Variants in CNIH3 observed in about 807,000 individuals in gnomAD.
CNIH3 encodes cornichon family AMPA receptor auxiliary protein 3, also known as protein cornichon homolog 3.
In CNIH3, 14 loss-of-function variants were observed where a neutral mutation model predicts 24.1. That is an observed-to-expected ratio of 0.58 (90% confidence interval 0.38 to 0.91). The LOEUF (loss-of-function observed/expected upper bound fraction) is 0.91. Ranked by LOEUF, CNIH3 falls within the 40% of genes least tolerant of loss-of-function variation. The pLI, the probability that CNIH3 is intolerant of heterozygous loss-of-function variation, is 0.00. For synonymous variants in CNIH3, 68 were observed against 73.8 expected, an observed-to-expected ratio of 0.92 and a Z score of 0.40; for missense variants, 178 against 196.8, an observed-to-expected ratio of 0.90 and a Z score of 0.57.
chr1:224,589,118 G>A (rs16849875), downstream of CNIH3, among the ~76,000 whole-genome samples: 13,959 of 151,816 alleles, frequency 0.092, 901 homozygotes, highest in East Asian at 0.18. Context: ...CCTGCAATGC[G>A]CGAGTTGAAA....
At position 224,734,654 on chromosome 1, in the gene CNIH3, G is replaced by T; in HGVS notation, c.403G>T (p.Ala135Ser). 1 of 1,614,178 alleles carries T rather than the reference G, an allele frequency of 6.2e-7. No individual in the cohort carries two copies. Among genetic ancestry groups the T allele is most frequent in the African/African-American group, 1.3e-5 (1 of 75,054 alleles). ...ADTLSYCQKE[A>S]WCKLAFYLLS... ...CACTTTGAGTTACTGTCAGAAGGAG[G>T]CCTGGTGTAAGCTGGCCTTCTATCT... Residue 135 changes from alanine to serine, a missense_variant, in exon 5 of 6, where the codon GCC becomes TCC. Physicochemically the swap from Ala to Ser is moderately conservative, Grantham distance 99. Transcript: ENST00000272133.
intron 5 of CNIH3, 72 bp downstream of exon 5, chr1:224,734,778 G>A (rs749437081): frequency 1.5e-5 from 23 of 1,551,466 alleles, no homozygotes; most frequent in Non-Finnish European, 1.9e-5. Context: ...TGGCCTCTGG[G>A]AGGCGTCCTT....
At chr1:224,517,641 C>T (rs1678449176) in intron 1 of CNIH3, among the ~76,000 whole-genome samples, 1 of 151,910 alleles carries the variant, frequency 6.6e-6, no homozygotes, top group African/African-American at 2.4e-5. Flanking sequence ...CCACCCTTCC[C>T]CCTAAATCCA....
intron 1 of CNIH3, among the ~76,000 whole-genome samples, chr1:224,646,143 G>GACGTAAAACAGTA (rs35908674): frequency 2.6e-5 from 4 of 151,930 alleles, no homozygotes; most frequent in Non-Finnish European, 5.9e-5. Flanking sequence ...TAAGACAGCA[G>GACGTAAAACAGTA]AGGTTTTCAG....
chr1:224,556,044 T>C (rs1315626045), intron 3 of CNIH3, among the ~76,000 whole-genome samples: 1 of 152,258 alleles, frequency 6.6e-6, no homozygotes. Context: ...ACATTACAGC[T>C]GGCATGGTAT....
At chr1:224,717,672 A>G (rs1435129902) in intron 3 of CNIH3, 1 of 152,194 alleles carries the variant, frequency 6.6e-6, no homozygotes, top group Non-Finnish European at 1.5e-5. Context: ...GCCTCCTGCC[A>G]TATTTAATCC....
At chr1:224,557,221 A>G (rs562416201) in intron 3 of CNIH3, among the ~76,000 whole-genome samples, 5 of 151,956 alleles carry the variant, frequency 3.3e-5, no homozygotes, top group Admixed American at 2.6e-4. Flanking sequence ...TTTTTATTTT[A>G]GTTTTTTGTA....
intron 1 of CNIH3, among the ~76,000 whole-genome samples, chr1:224,503,393 T>A (rs948848710): frequency 7.2e-5 from 11 of 151,930 alleles, no homozygotes; most frequent in African/African-American, 2.7e-4. Flanking sequence ...TCTGTCACCC[T>A]CCCCCCTCTT....
intron 4 of CNIH3, among the ~76,000 whole-genome samples, chr1:224,572,199 G>A (rs1364845955): frequency 3.9e-5 from 6 of 152,066 alleles, no homozygotes; most frequent in Non-Finnish European, 5.9e-5. Flanking sequence ...TATTTAAAAC[G>A]GATGCCAAGG....
chr1:224,701,863 A>G (rs80117559), intron 3 of CNIH3, among the ~76,000 whole-genome samples: 80 of 152,274 alleles, frequency 5.3e-4, no homozygotes, highest in Non-Finnish European at 8.8e-4. Context: ...GGAGCATGCT[A>G]TTTCATTTTT....
At chr1:224,691,203 A>C (rs1380765237) in intron 3 of CNIH3, among the ~76,000 whole-genome samples, 2 of 152,202 alleles carry the variant, frequency 1.3e-5, no homozygotes, top group East Asian at 3.9e-4. Context: ...TCCATGTCAG[A>C]AACTGATGCC....
intron 1 of CNIH3, among the ~76,000 whole-genome samples, chr1:224,631,131 C>CT (rs1181080269): frequency 6.6e-6 from 1 of 152,082 alleles, no homozygotes; most frequent in African/African-American, 2.4e-5. Flanking sequence ...TCACTGCACT[C>CT]TATCCTGGGC....
At chr1:224,494,675 C>G (rs374377740) in intron 1 of CNIH3, among the ~76,000 whole-genome samples, 225 of 152,204 alleles carry the variant, frequency 1.5e-3, no homozygotes, top group African/African-American at 4.4e-3. Flanking sequence ...ATCTTAAAGA[C>G]CTCTTTGGGA....
intron 1 of CNIH3, among the ~76,000 whole-genome samples, chr1:224,482,972 T>C (rs534644596): frequency 8.8e-4 from 134 of 152,282 alleles, no homozygotes; most frequent in Middle Eastern, 3.4e-3. Flanking sequence ...TCATCCCTCC[T>C]TGGGCCCTGG....
At chr1:224,655,220 A>G (rs1215265151) in intron 1 of CNIH3, among the ~76,000 whole-genome samples, 3 of 152,134 alleles carry the variant, frequency 2.0e-5, no homozygotes, top group Non-Finnish European at 2.9e-5. Context: ...GTGGAGAGGT[A>G]GAGACACTGT....
intron 4 of CNIH3, among the ~76,000 whole-genome samples, chr1:224,577,916 A>G (rs940857630): frequency 6.6e-6 from 1 of 152,172 alleles, no homozygotes; most frequent in Admixed American, 6.6e-5. Context: ...ATGGCATTCA[A>G]AACAATCTGG....
chr1:224,630,666 G>T (rs1017514713), intron 1 of CNIH3, among the ~76,000 whole-genome samples: 2 of 152,074 alleles, frequency 1.3e-5, no homozygotes, highest in Non-Finnish European at 2.9e-5. Context: ...GCACTCTTTG[G>T]GCTGAATGCC....
chr1:224,734,933 T>C (rs12084842), intron 5 of CNIH3, among the ~76,000 whole-genome samples: 15 of 152,148 alleles, frequency 9.9e-5, no homozygotes, highest in African/African-American at 3.6e-4. Context: ...GATCGGCACA[T>C]CCTTAGGGCC....
At chr1:224,656,153 G>A (rs1461723148) in intron 1 of CNIH3, among the ~76,000 whole-genome samples, 1 of 152,134 alleles carries the variant, frequency 6.6e-6, no homozygotes, top group African/African-American at 2.4e-5. Flanking sequence ...AATCCTGGAT[G>A]CTTCATGCTG....
Sources: gnomAD v4.1 joint callset for allele counts (sites outside exome capture counted in the v4.1 genomes callset) on GRCh38, gnomAD v4.1.1 for gene constraint, MANE v1.5 for transcripts, NCBI Gene and HGNC (gene_info 2026-07-23, HGNC 2026-07-21) for gene names.